The following HRNR variants were observed in gnomAD, a reference collection of about 807,000 sequenced individuals.
HRNR encodes the protein filaggrin family member 3.
In HRNR, 7 loss-of-function variants were observed where a neutral mutation model predicts 4.8. The ratio of observed to expected loss-of-function variants is 1.47; its 90% confidence interval spans 0.83 to 2.75. HRNR has a LOEUF of 2.75. HRNR is among the 30% of genes most tolerant of loss of function. The pLI is 0.00. For synonymous variants in HRNR, 1,023 were observed against 1,242.7 expected (o/e 0.82, Z 3.72); for missense variants, 2,879 against 3,010.4 (o/e 0.96, Z 1.02).
At position 152,220,401 on chromosome 1, in the gene HRNR, A is replaced by T; in HGVS notation, c.1228T>A (p.Ser410Thr). Residue 410 changes from serine to threonine, a missense_variant, in exon 3 of 3, where the codon TCT becomes ACT. This residue lies in a region of HRNR where 2,646 missense variants were observed against 1,377.7 expected (regional missense o/e 1.92). Transcript: ENST00000368801. ...GAGCTGTGTTGGCCGCGGCCTGAAG[A>T]GTGACGGGAGGCAGACTCATGCTGA... ...YGQHESASRHSSGRGQHSSGS... is the reference protein window; with the variant it reads ...YGQHESASRHTSGRGQHSSGS... 1.2e-6 allele frequency: 2 copies of T among 1,613,940 alleles called. No homozygotes were observed. The highest frequency in any genetic ancestry group is 2.2e-5 in the East Asian group (1 of 44,872).
Position 152,223,128 on chromosome 1 carries a change from A to G in HRNR, c.126T>C (p.His42=), listed in dbSNP as rs1191714084. Residue 42 remains histidine (H), a synonymous_variant, in exon 2 of 3, where the codon CAT becomes CAC. Coordinates refer to ENST00000368801, the MANE Select transcript of HRNR (RefSeq NM_001009931.3). ...GTGGAGTTCTTACCTTCAGAATTTG[A>G]TGAAACTCATTTTCCAGAAGTTCTT... The part of the protein sequence containing the change: ...ELKELLENEF[H]QILKNPNDPD... The G allele has an allele frequency of 1.2e-6, 2 of 1,613,712 alleles. No individual in the cohort carries two copies. The highest frequency in any genetic ancestry group is 1.7e-6 in the Non-Finnish European group (2 of 1,179,772).
Position 152,218,557 on chromosome 1 carries a change from A to C in HRNR, c.3072T>G (p.Tyr1024Ter). The C allele has an allele frequency of 1.9e-6, 3 of 1,613,358 alleles. No homozygotes were observed. The highest frequency in any genetic ancestry group is 1.7e-6 in the Non-Finnish European group (2 of 1,179,650). ...ACCCTGAGCCAGACCTATATGGGCC[A>C]TAGCTGGAAGACTGCCCGGAACCAG... ...HGSGSGQSSS[Y>*]GPYRSGSGWS... Residue 1024 changes from tyrosine (Y) to a stop codon, truncating the protein, a stop_gained, in exon 3 of 3, where the codon TAT (tyrosine) becomes TAG (stop). Transcript: ENST00000368801. LOFTEE classifies it low-confidence loss of function (END_TRUNC).
In HRNR at chr1:152,218,550, A is replaced by T. The variant is rs145632973; in HGVS notation, c.3079T>A (p.Tyr1027Asn). 53 of 1,612,264 alleles carry T rather than the reference A, an allele frequency of 3.3e-5. No individual in the cohort carries two copies. Among genetic ancestry groups the T allele is most frequent in the Non-Finnish European group, 4.4e-5 (52 of 1,179,670 alleles). ...GAAGACCACCCTGAGCCAGACCTAT[A>T]TGGGCCATAGCTGGAAGACTGCCCG... ...GSGQSSSYGP[Y>N]RSGSGWSSSR... The change falls in exon 3 of 3, where the codon TAT becomes AAT. Residue 1027 changes from tyrosine to asparagine, a missense_variant. Tyr to Asn is a moderately radical substitution (Grantham distance 143). Coordinates refer to ENST00000368801, the MANE Select transcript of HRNR (RefSeq NM_001009931.3).
Position 152,220,156 on chromosome 1 carries a change from G to A in HRNR, c.1473C>T (p.His491=), listed in dbSNP as rs201055485. Residue 491 remains histidine (H), a synonymous_variant, in exon 3 of 3, where the codon CAC becomes CAT. Coordinates refer to ENST00000368801, the MANE Select transcript of HRNR (RefSeq NM_001009931.3). ...GTCCTGACCTAGAGCCGTGTTGTCCGTGGCCGGAGGAGTGACCTGAGCCAG... is the reference window on the plus strand; with the variant it reads ...GTCCTGACCTAGAGCCGTGTTGTCCATGGCCGGAGGAGTGACCTGAGCCAG... ...HGSGSGHSSG[H]GQHGSRSGQS... The A allele has an allele frequency of 3.4e-5, 55 of 1,613,132 alleles. 1 individual carries two copies. The East Asian group carries it at 8.9e-4, about 26-fold the overall frequency.
At position 152,218,901 on chromosome 1, in the gene HRNR, C is replaced by A. The variant is rs754333646; in HGVS notation, c.2728G>T (p.Gly910Trp). ...SGQSPSYGRH[G>W]SGSGRSSSSG... ...CTGGAAGACCGACCGGAGCCAGACC[C>A]ATGTCGGCCATAGCTGGGAGACTGC... The change falls in exon 3 of 3, where the codon GGG becomes TGG. Residue 910 changes from glycine (G) to tryptophan (W), a missense_variant. Physicochemically the swap from Gly to Trp is radical, Grantham distance 184. Coordinates refer to ENST00000368801, the MANE Select transcript of HRNR (RefSeq NM_001009931.3). The A allele has an allele frequency of 2.5e-6, 4 of 1,613,744 alleles. No individual in the cohort carries two copies. The highest frequency in any genetic ancestry group is 1.1e-5 in the South Asian group (1 of 91,052).
rs200860192 is a variant in HRNR, at chr1:152,219,831, G to C, written c.1798C>G (p.His600Asp). The change falls in exon 3 of 3, where the codon CAC becomes GAC. Residue 600 changes from histidine to aspartate, a missense_variant. Around this residue, in one of 8 missense-constraint regions of HRNR, gnomAD observed 2,646 missense variants for 1,377.7 expected, o/e 1.92. Coordinates refer to ENST00000368801, the MANE Select transcript of HRNR (RefSeq NM_001009931.3). ...RSGQSSGYGQ[H>D]GSSSGHSSTH... ...GAGGAATGACCCGAGCTAGATCCGT[G>C]TTGACCGTAGCCAGAGGACTGTCCT... The C allele has an allele frequency of 1.2e-6, 2 of 1,612,170 alleles. No homozygotes were observed. The highest frequency in any genetic ancestry group is 2.2e-5 in the South Asian group (2 of 91,014).
Position 152,218,364 on chromosome 1 carries a change from A to G in HRNR, c.3265T>C (p.Cys1089Arg). 6.2e-7 allele frequency: 1 copy of G among 1,609,660 alleles called. No homozygotes were observed. Among genetic ancestry groups the G allele is most frequent in the Non-Finnish European group, 8.5e-7 (1 of 1,179,244 alleles). ...CCTGAGCTAGCTCCATGTTGGCCAC[A>G]GCTCGATGACTGTCCTGATGTAGAA... is the stretch of plus-strand genomic sequence containing the variant. ...HGSTSGQSSS[C>R]GQHGASSGQS... Residue 1089 changes from cysteine to arginine, a missense_variant, in exon 3 of 3, where the codon TGT (cysteine) becomes CGT (arginine). Around this residue, in one of 8 missense-constraint regions of HRNR, gnomAD observed 2,646 missense variants for 1,377.7 expected, o/e 1.92. Coordinates refer to ENST00000368801, the MANE Select transcript of HRNR (RefSeq NM_001009931.3).
Position 152,218,954 on chromosome 1 carries a change from C to T in HRNR, c.2675G>A (p.Gly892Asp), listed in dbSNP as rs1648794036. 2 of 1,613,954 alleles carry T rather than the reference C, an allele frequency of 1.2e-6. No homozygotes were observed. The highest frequency in any genetic ancestry group is 1.7e-6 in the Non-Finnish European group (2 of 1,179,980). Residue 892 changes from glycine (G) to aspartate (D), a missense_variant, in exon 3 of 3, where the codon GGC becomes GAC. By Grantham distance (94) the Gly-to-Asp change is moderately conservative. Transcript: ENST00000368801. ...TGACCCAGACCCACGCTGGCCGTGGCCTGGAGACTGGCCAGATCCAGAGCC... is the reference window on the plus strand; with the variant it reads ...TGACCCAGACCCACGCTGGCCGTGGTCTGGAGACTGGCCAGATCCAGAGCC... ...RHGSGSGQSP[G>D]HGQRGSGSGQ...
rs750838719 is a variant in HRNR at position 152,220,462 on chromosome 1, T to C, written c.1167A>G (p.Gln389=). The C allele has an allele frequency of 1.2e-6, 2 of 1,613,780 alleles. No homozygotes were observed. Among genetic ancestry groups the C allele is most frequent in the Admixed American group, 1.7e-5 (1 of 59,986 alleles). ...STSGQASSSG[Q]HGSSSRQSSS... ...AAGACTGACGTGAGCTGGAGCCATGTTGGCCAGAGCTTGATGCCTGCCCTG... is the reference window on the plus strand; with the variant it reads ...AAGACTGACGTGAGCTGGAGCCATGCTGGCCAGAGCTTGATGCCTGCCCTG... The change falls in exon 3 of 3, where the codon CAA becomes CAG. Residue 389 remains glutamine (Q), a synonymous_variant. Coordinates refer to ENST00000368801, the MANE Select transcript of HRNR (RefSeq NM_001009931.3).
In HRNR at chr1:152,212,955, T is replaced by A; in HGVS notation, c.*121A>T. 7.6e-7 allele frequency: 1 copy of A among 1,312,262 alleles called. No homozygotes were observed. The highest frequency in any genetic ancestry group is 1.5e-5 in the South Asian group (1 of 65,972). The allele number at this position is 1,312,262 out of a possible 1,614,324, so 81.3% of individuals were successfully genotyped here. On this transcript the variant is annotated 3_prime_UTR_variant, in exon 3 of 3. Coordinates refer to ENST00000368801, the MANE Select transcript of HRNR (RefSeq NM_001009931.3). ...TAGGCTCTAAAGAAAGAGACAGAAATGCATTGATTCACTTTTAGAACGAAT... is the reference window on the plus strand; with the variant it reads ...TAGGCTCTAAAGAAAGAGACAGAAAAGCATTGATTCACTTTTAGAACGAAT...
chr1:152,212,872 G>C lies in HRNR; in HGVS notation c.*204C>G. ...CCACTCAGTATTTTCTAACAAAGTA[G>C]CACAAATGCCTAACAGTCTTTGGAA... is the stretch of plus-strand genomic sequence containing the variant. On this transcript the variant is annotated 3_prime_UTR_variant, in exon 3 of 3. Transcript: ENST00000368801. 1.5e-6 allele frequency: 1 copy of C among 663,880 alleles called. No individual in the cohort carries two copies. Among genetic ancestry groups the C allele is most frequent in the Non-Finnish European group, 2.5e-6 (1 of 400,142 alleles). The allele number at this position is 663,880 out of a possible 1,614,324, so 41.1% of individuals were successfully genotyped here. A position where few individuals can be genotyped will look rare whatever the true frequency, so the allele number is the denominator to read the frequency against.
In HRNR at chr1:152,212,930, T is replaced by A; in HGVS notation, c.*146A>T. 9.0e-7 allele frequency: 1 copy of A among 1,108,342 alleles called. No homozygotes were observed. Among genetic ancestry groups the A allele is most frequent in the East Asian group, 2.6e-5 (1 of 38,902 alleles). The allele number at this position is 1,108,342 out of a possible 1,614,324, so 68.7% of individuals were successfully genotyped here. A position where few individuals can be genotyped will look rare whatever the true frequency, so the allele number is the denominator to read the frequency against. ...CATAACAAGATATATGCTACAGTTT[T>A]AGGCTCTAAAGAAAGAGACAGAAAT... is the stretch of plus-strand genomic sequence containing the variant. On this transcript the variant is annotated 3_prime_UTR_variant, in exon 3 of 3. Coordinates refer to ENST00000368801, the MANE Select transcript of HRNR (RefSeq NM_001009931.3).
rs75775485 is a variant in HRNR at position 152,219,218 on chromosome 1, C to G, written c.2411G>C (p.Cys804Ser). ...HGSGTSCSSS[C>S]GHYESGSGQA... is the part of the protein sequence containing the mutation. ...GCCTGAGCCAGACTCATAATGGCCA[C>G]AGCTGGAAGAACAACTTGTGCCAGA... Residue 804 changes from cysteine (C) to serine (S), a missense_variant, in exon 3 of 3, where the codon TGT becomes TCT. Physicochemically the swap from Cys to Ser is moderately radical, Grantham distance 112. Transcript: ENST00000368801. 9.6e-4 allele frequency: 1,547 copies of G among 1,613,866 alleles called. 33 individuals carry two copies. In the East Asian group the frequency reaches 0.031, roughly 33 times the overall value.
At position 152,219,142 on chromosome 1, in the gene HRNR, A is replaced by C; in HGVS notation, c.2487T>G (p.Ser829Arg). The change falls in exon 3 of 3, where the codon AGT becomes AGG. Residue 829 changes from serine to arginine, a missense_variant. Physicochemically the swap from Ser to Arg is moderately radical, Grantham distance 110 (BLOSUM62 -1). Transcript: ENST00000368801. ...QHESGSGQGYSQHGSASGHFS... is the reference protein window; with the variant it reads ...QHESGSGQGYRQHGSASGHFS... ...AGTGACCTGAGGCAGAACCATGCTG[A>C]CTATAGCCCTGTCCTGAGCCAGACT... The C allele has an allele frequency of 1.2e-6, 2 of 1,613,438 alleles. No homozygotes were observed. The highest frequency in any genetic ancestry group is 1.7e-6 in the Non-Finnish European group (2 of 1,179,940).
chr1:152,221,722 A>G (rs116346186), intron 2 of HRNR, among the ~76,000 whole-genome samples: 1,860 of 152,340 alleles, frequency 0.012, 43 homozygotes, highest in African/African-American at 0.043. Flanking sequence ...AGATGAAAGG[A>G]AACAAGAGGG....
At chr1:152,221,521 C>A (rs370021332) in intron 2 of HRNR, 31 bp from the exon 3 acceptor site, 2 of 1,486,528 alleles carry the variant, frequency 1.3e-6, no homozygotes, top group South Asian at 1.3e-5. Flanking sequence ...AAGAGTAGCT[C>A]TGTTAGTATG....
At position 152,213,198 on chromosome 1, in the gene HRNR, A is replaced by G. The variant is rs1648455205; in HGVS notation, c.8431T>C (p.Ser2811Pro). The G allele has an allele frequency of 1.5e-5, 25 of 1,614,056 alleles. No individual in the cohort carries two copies. The highest frequency in any genetic ancestry group is 1.9e-5 in the Non-Finnish European group (23 of 1,180,058). Residue 2811 changes from serine (S) to proline (P), a missense_variant, in exon 3 of 3, where the codon TCT (serine) becomes CCT (proline). By Grantham distance (74) the Ser-to-Pro change is moderately conservative. This residue lies in a region of HRNR where 158 missense variants were observed against 107.6 expected (regional missense o/e 1.47). Coordinates refer to ENST00000368801, the MANE Select transcript of HRNR (RefSeq NM_001009931.3). ...TGGTTACTTCCTCCTTTGCAATAAG[A>G]ATACCCATCTTGCCCTGAGCCACTT... is the stretch of plus-strand genomic sequence containing the variant. ...HGSGSGQDGY[S>P]YCKGGSNHDG... is the part of the protein sequence containing the mutation.
chr1:152,220,311 C>G lies in HRNR; in HGVS notation c.1318G>C (p.Gly440Arg), dbSNP rs370983663. 13 of 1,613,894 alleles carry G rather than the reference C, an allele frequency of 8.1e-6. No homozygotes were observed. The highest frequency in any genetic ancestry group is 1.1e-5 in the Non-Finnish European group (13 of 1,179,978). ...CGACCAAAGCCAGTCCCATGTTGGC[C>G]GGAGCTGGGAGACTGCCCTGACCCA... Reference protein sequence around the residue: ...GSGSGQSPSSGQHGTGFGRSS... With the variant: ...GSGSGQSPSSRQHGTGFGRSS... The change falls in exon 3 of 3, where the codon GGC becomes CGC. Residue 440 changes from glycine (G) to arginine (R), a missense_variant. Gly to Arg is a moderately radical substitution (Grantham distance 125, BLOSUM62 -2). This residue lies in a region of HRNR where 2,646 missense variants were observed against 1,377.7 expected (regional missense o/e 1.92). Coordinates refer to ENST00000368801, the MANE Select transcript of HRNR (RefSeq NM_001009931.3).
Position 152,220,786 on chromosome 1 carries a change from G to A in HRNR, c.843C>T (p.Ser281=). 2 of 1,614,086 alleles carry A rather than the reference G, an allele frequency of 1.2e-6. No individual in the cohort carries two copies. Among genetic ancestry groups the A allele is most frequent in the Non-Finnish European group, 8.5e-7 (1 of 1,180,002 alleles). The change falls in exon 3 of 3, where the codon TCC becomes TCT. Residue 281 remains serine (S), a synonymous_variant. Transcript: ENST00000368801. ...ERHRSSSGSS[S]SYGQHGSGSR... ...AACCAGACCCATGCTGACCATAGCTGGAAGACGAACCTGAGCTAGATCTGT... is the reference window on the plus strand; with the variant it reads ...AACCAGACCCATGCTGACCATAGCTAGAAGACGAACCTGAGCTAGATCTGT...
Sources: allele counts gnomAD v4.1 joint callset (sites outside exome capture counted in the v4.1 genomes callset), GRCh38; gene constraint gnomAD v4.1.1; regional missense constraint gnomAD v4.1.1; transcripts MANE v1.5; gene names NCBI Gene and HGNC (gene_info 2026-07-23, HGNC 2026-07-21).